Variants in NUDT2 observed in about 807,000 individuals in gnomAD.
NUDT2 encodes nudix hydrolase 2.
Under a neutral mutation model 14.2 loss-of-function variants are expected in NUDT2, and 12 were observed. That is an observed-to-expected ratio of 0.84 (90% CI 0.54 to 1.37). The LOEUF is 1.37. Among genes scored for constraint, NUDT2 ranks in the 40% most tolerant of loss-of-function variants. The probability of loss-of-function intolerance (pLI) is 0.00; values close to 1 mark genes in which losing one functional copy is unlikely to be tolerated. For synonymous variants in NUDT2, 67 were observed against 67.4 expected, an observed-to-expected ratio of 0.99 and a Z score of 0.03; for missense variants, 167 against 176.7, an observed-to-expected ratio of 0.95 and a Z score of 0.31.
chr9:34,330,425 A>C (rs539369869), intron 1 of NUDT2, among the ~76,000 whole-genome samples: 53 of 152,216 alleles, frequency 3.5e-4, no homozygotes, highest in South Asian at 1.7e-3. Flanking sequence ...CAAAACAAAA[A>C]AAAACTGAAT....
intron 2 of NUDT2, among the ~76,000 whole-genome samples, chr9:34,337,197 T>G (rs1057130611): frequency 6.6e-6 from 1 of 151,894 alleles, no homozygotes; most frequent in Non-Finnish European, 1.5e-5. Flanking sequence ...ACGGGGTTTC[T>G]CCATGTTAGT....
intron 4 of NUDT2, among the ~76,000 whole-genome samples, chr9:34,341,620 C>T (rs888824483): frequency 6.6e-6 from 1 of 152,226 alleles, no homozygotes; most frequent in Non-Finnish European, 1.5e-5. Context: ...AGTGATTCTC[C>T]TGCCTCAGCC....
chr9:34,343,226 A>G lies in NUDT2; in HGVS notation c.230A>G (p.Lys77Arg), dbSNP rs757548514. The G allele has an allele frequency of 5.6e-6, 9 of 1,613,928 alleles. No homozygotes were observed. The highest frequency in any genetic ancestry group is 6.8e-6 in the Non-Finnish European group (8 of 1,180,024). ...AGQLTIIEGFKRELNYVARNK... is the reference protein window; with the variant it reads ...AGQLTIIEGFRRELNYVARNK... The stretch of plus-strand genomic sequence containing the variant: ...CAGCTGACCATTATTGAGGGGTTCA[A>G]AAGGGAACTCAATTATGTGGCCAGG... The change falls in exon 5 of 5, where the codon AAA becomes AGA. Residue 77 changes from lysine to arginine, a missense_variant. Transcript: ENST00000379158.
rs535174036 is a variant in NUDT2, at chr9:34,337,087, C to T, written c.-152+746C>T. On this transcript the variant is annotated intron_variant, in intron 2 of 4. Transcript: ENST00000379158. ...CCGTCTCGGCTCACCACAACCTCCA[C>T]CTCCCGGGTTCAAGTGATTCTTCTG... 4.6e-4 allele frequency among the ~76,000 whole-genome samples: 69 copies of T among 150,710 alleles called. 1 individual carries two copies. Among genetic ancestry groups the T allele is most frequent in the African/African-American group, 1.6e-3 (65 of 41,070 alleles).
intron 1 of NUDT2, among the ~76,000 whole-genome samples, chr9:34,334,744 C>T (rs576740750): frequency 6.6e-6 from 1 of 152,286 alleles, no homozygotes; most frequent in South Asian, 2.1e-4. Flanking sequence ...TCTGTCTCTT[C>T]CCTGCCAGAG....
chr9:34,329,929 T>A (rs988068577), intron 1 of NUDT2, among the ~76,000 whole-genome samples: 3 of 152,204 alleles, frequency 2.0e-5, no homozygotes, highest in African/African-American at 7.2e-5. Context: ...AACCTTCCCC[T>A]CCCTGGGCCT....
intron 1 of NUDT2, among the ~76,000 whole-genome samples, chr9:34,333,711 C>G (rs1587988505): frequency 7.5e-6 from 1 of 132,936 alleles, no homozygotes; most frequent in East Asian, 2.5e-4. Context: ...TTTTATAAAT[C>G]TTGTCTGTCC....
Sources: allele counts gnomAD v4.1 joint callset (sites outside exome capture counted in the v4.1 genomes callset), GRCh38; gene constraint gnomAD v4.1.1; transcripts MANE v1.5; gene names NCBI Gene and HGNC (gene_info 2026-07-23, HGNC 2026-07-21).